Variants in LYPD6 observed in about 807,000 individuals in gnomAD.
LYPD6 encodes ly6/PLAUR domain-containing protein 6.
In LYPD6, 15 loss-of-function variants were observed where a neutral mutation model predicts 22.7. The observed-to-expected ratio is 0.66, with a 90% CI of 0.44 to 1.02. The LOEUF is 1.02. Ranked by LOEUF, LYPD6 falls within the 50% of genes least tolerant of loss-of-function variation. The probability of loss-of-function intolerance (pLI) is 0.00; values close to 1 mark genes in which losing one functional copy is unlikely to be tolerated. For synonymous variants in LYPD6, 72 were observed against 77.5 expected, an observed-to-expected ratio of 0.93 and a Z score of 0.37; for missense variants, 189 against 208.4, an observed-to-expected ratio of 0.91 and a Z score of 0.57.
At position 149,472,666 on chromosome 2, in the gene LYPD6, T is replaced by A. The variant is rs559692338; in HGVS notation, c.*1816T>A. The A allele has an allele frequency of 6.5e-6, 1 of 152,720 alleles. No individual in the cohort carries two copies. The highest frequency in any genetic ancestry group is 1.5e-5 in the Non-Finnish European group (1 of 68,030). The allele number at this position is 152,720 out of a possible 1,614,324, so 9.5% of individuals were successfully genotyped here. A position where few individuals can be genotyped will look rare whatever the true frequency, so the allele number is the denominator to read the frequency against. Reference sequence around the variant, plus strand: ...GAAAGCAAGACATTTATTAAGCACCTCGTATGTGCCAGGCACTATGCTAAG... The same window carrying A: ...GAAAGCAAGACATTTATTAAGCACCACGTATGTGCCAGGCACTATGCTAAG... On this transcript the variant is annotated 3_prime_UTR_variant, in exon 5 of 5. Transcript: ENST00000334166.
At chr2:149,396,265 T>C (rs1041704901) in intron 1 of LYPD6, among the ~76,000 whole-genome samples, 1 of 152,120 alleles carries the variant, frequency 6.6e-6, no homozygotes, top group African/African-American at 2.4e-5. Flanking sequence ...TCACTTCTCC[T>C]ATCTCTCCTG....
At chr2:149,335,126 A>G (rs1227825371) in intron 1 of LYPD6, among the ~76,000 whole-genome samples, 2 of 151,388 alleles carry the variant, frequency 1.3e-5, no homozygotes, top group Non-Finnish European at 2.9e-5. Context: ...CTTAGAGAGA[A>G]CTCCTACTTA....
the LYPD6 span, among the ~76,000 whole-genome samples, chr2:149,479,283 A>T: frequency 6.6e-6 from 1 of 152,114 alleles, no homozygotes; most frequent in Non-Finnish European, 1.5e-5. Flanking sequence ...AGTTCCTCGA[A>T]ATTTGGTGCT....
chr2:149,423,831 C>G (rs895511787), intron 1 of LYPD6, among the ~76,000 whole-genome samples: 13 of 152,060 alleles, frequency 8.5e-5, no homozygotes, highest in African/African-American at 3.1e-4. Flanking sequence ...TAAGCAAAAC[C>G]AAAGAGATTT....
Position 149,472,718 on chromosome 2 carries a change from C to T in LYPD6, c.*1868C>T, listed in dbSNP as rs1681370373. 6.6e-6 allele frequency: 1 copy of T among 152,602 alleles called. No individual in the cohort carries two copies. The highest frequency in any genetic ancestry group is 1.5e-5 in the Non-Finnish European group (1 of 68,030). The allele number at this position is 152,602 out of a possible 1,614,324, so 9.5% of individuals were successfully genotyped here. A position where few individuals can be genotyped will look rare whatever the true frequency, so the allele number is the denominator to read the frequency against. On this transcript the variant is annotated 3_prime_UTR_variant, in exon 5 of 5. Coordinates refer to ENST00000334166, the MANE Select transcript of LYPD6 (RefSeq NM_194317.5). ...ACTTTACATAAGTTAGGATTAATCC[C>T]TGCAAGAATCCTATAAAGAATGTTA...
chr2:149,467,133 A>G (rs1352292287), intron 3 of LYPD6, among the ~76,000 whole-genome samples: 1 of 152,210 alleles, frequency 6.6e-6, no homozygotes, highest in African/African-American at 2.4e-5. Context: ...CTTTGGGATA[A>G]TTATTGCCAG....
chr2:149,364,573 G>A (rs1044283023), intron 1 of LYPD6, among the ~76,000 whole-genome samples: 3 of 144,156 alleles, frequency 2.1e-5, no homozygotes, highest in African/African-American at 5.2e-5. Flanking sequence ...CATGTTCAAA[G>A]TCAAGCTATC....
intron 1 of LYPD6, among the ~76,000 whole-genome samples, chr2:149,363,869 G>T (rs74722269): frequency 0.021 from 3,138 of 152,174 alleles, 98 homozygotes; most frequent in African/African-American, 0.071. Flanking sequence ...ATAATATTTG[G>T]TAAATGCATT....
chr2:149,412,029 A>G (rs1244288037), intron 1 of LYPD6, among the ~76,000 whole-genome samples: 1 of 152,120 alleles, frequency 6.6e-6, no homozygotes, highest in African/African-American at 2.4e-5. Flanking sequence ...CCTACCTCCT[A>G]TTATCAGGTA....
intron 1 of LYPD6, among the ~76,000 whole-genome samples, chr2:149,413,303 G>A (rs1300182946): frequency 6.6e-6 from 1 of 152,086 alleles, no homozygotes; most frequent in Non-Finnish European, 1.5e-5. Flanking sequence ...GTGAGTTACT[G>A]GGTACATTTT....
rs143489595 is a variant in LYPD6, at chr2:149,469,047, T to C, written c.348+272T>C. On this transcript the variant is annotated intron_variant, in intron 4 of 4. Coordinates refer to ENST00000334166, the MANE Select transcript of LYPD6 (RefSeq NM_194317.5). ...ACTTTCTTCACTCAGAGGAAAGTAA[T>C]AAAGCTACCAGAAAAAAGAGGAGCA... is the stretch of plus-strand genomic sequence containing the variant. 3.3e-5 allele frequency among the ~76,000 whole-genome samples: 5 copies of C among 152,288 alleles called. No individual in the cohort carries two copies. In the East Asian group the frequency reaches 9.6e-4, roughly 29 times the overall value.
intron 1 of LYPD6, among the ~76,000 whole-genome samples, chr2:149,343,242 C>T (rs902027849): frequency 1.3e-5 from 2 of 151,682 alleles, no homozygotes; most frequent in African/African-American, 2.4e-5. Flanking sequence ...TGAATAAGAT[C>T]GAACATGGAA....
chr2:149,413,402 C>T (rs1189037605), intron 1 of LYPD6, among the ~76,000 whole-genome samples: 1 of 152,012 alleles, frequency 6.6e-6, no homozygotes, highest in African/African-American at 2.4e-5. Flanking sequence ...AGTGAAATGA[C>T]GAGATAGAGA....
At chr2:149,358,199 TCC>T (rs1235729562) in intron 1 of LYPD6, among the ~76,000 whole-genome samples, 5 of 152,234 alleles carry the variant, frequency 3.3e-5, no homozygotes, top group Non-Finnish European at 7.3e-5. Flanking sequence ...TTTGAAGATA[TCC>T]TTGCCTTAAA....
In LYPD6 at chr2:149,382,166, G is replaced by A. The variant is rs569878608; in HGVS notation, c.-72+51444G>A. 4.6e-5 allele frequency among the ~76,000 whole-genome samples: 7 copies of A among 152,196 alleles called. No homozygotes were observed. The South Asian group carries it at 1.5e-3, about 32-fold the overall frequency. ...AACCTTGTTAATGGAAGTTTTGGTT[G>A]CTTTCCAGCCCAAAAATACATTTTT... On this transcript the variant is annotated intron_variant, in intron 1 of 4. Transcript: ENST00000334166.
intron 1 of LYPD6, among the ~76,000 whole-genome samples, chr2:149,401,840 A>G (rs938354264): frequency 6.6e-6 from 1 of 152,044 alleles, no homozygotes; most frequent in Admixed American, 6.6e-5. Context: ...TACCCACTGC[A>G]TAGTCTTTTA....
chr2:149,438,916 A>C (rs182140042), intron 2 of LYPD6, among the ~76,000 whole-genome samples: 97 of 152,350 alleles, frequency 6.4e-4, no homozygotes, highest in Non-Finnish European at 1.2e-3. Flanking sequence ...TTAAATTAAA[A>C]ATGTGTATGA....
chr2:149,350,960 C>T (rs146438070), intron 1 of LYPD6, among the ~76,000 whole-genome samples: 10 of 152,312 alleles, frequency 6.6e-5, no homozygotes, highest in East Asian at 3.9e-4. Context: ...AGGAACTGGA[C>T]GGTATACAGG....
intron 1 of LYPD6, among the ~76,000 whole-genome samples, chr2:149,339,752 C>A (rs1466969516): frequency 6.6e-6 from 1 of 152,090 alleles, no homozygotes; most frequent in Non-Finnish European, 1.5e-5. Context: ...GTCCTGCATT[C>A]CCCCCTGCTC....
Sources: allele counts gnomAD v4.1 joint callset (sites outside exome capture counted in the v4.1 genomes callset), GRCh38; gene constraint gnomAD v4.1.1; transcripts MANE v1.5; gene names NCBI Gene and HGNC (gene_info 2026-07-23, HGNC 2026-07-21).